Variants in VPS54 observed in about 807,000 individuals in gnomAD.
VPS54 encodes the protein vacuolar protein sorting-associated protein 54.
VPS54 carries 45 observed loss-of-function variants against 121.5 expected under a neutral mutation model. The observed-to-expected ratio is 0.37, with a 90% CI of 0.29 to 0.47. The LOEUF (loss-of-function observed/expected upper bound fraction) is 0.47. Among genes scored for constraint, VPS54 ranks in the 20% least tolerant of loss-of-function variants. The pLI, the probability that VPS54 is intolerant of heterozygous loss-of-function variation, is 0.99. For synonymous variants in VPS54, 371 were observed against 385.8 expected, an observed-to-expected ratio of 0.96 and a Z score of 0.45; for missense variants, 1,090 against 1,131.4, an observed-to-expected ratio of 0.96 and a Z score of 0.52.
At position 63,920,541 on chromosome 2, in the gene VPS54, G is replaced by A; in HGVS notation, c.1956C>T (p.Ile652=). The A allele has an allele frequency of 1.3e-6, 2 of 1,587,526 alleles. No homozygotes were observed. The highest frequency in any genetic ancestry group is 1.1e-5 in the South Asian group (1 of 88,012). Residue 652 remains isoleucine (I), a synonymous_variant, in exon 14 of 23, where the codon ATC becomes ATT. Transcript: ENST00000272322. ...METFILDTEQ[I]CGRKSTSLLG... Reference sequence around the variant, plus strand: ...GTAATGACGTGCTTTTTCTTCCACAGATCTGTTCGGTGTCTAAAATGAATG... The same window carrying A: ...GTAATGACGTGCTTTTTCTTCCACAAATCTGTTCGGTGTCTAAAATGAATG...
rs368007911 is a variant in VPS54, at chr2:63,944,615, G to A, written c.1286C>T (p.Thr429Ile). ...NKVSQTEEID[T>I]DVVVKLADQM... ...TTATACTTACTTCACAACAACATCT[G>A]TGTCTATTTCTTCTGTTTGTGAAAC... Residue 429 changes from threonine (T) to isoleucine (I), a missense_variant, in exon 10 of 23, where the codon ACA becomes ATA. This residue lies in a region of VPS54 where 801 missense variants were observed against 757.0 expected (regional missense o/e 1.06). Transcript: ENST00000272322. The A allele has an allele frequency of 3.7e-6, 6 of 1,610,064 alleles. No individual in the cohort carries two copies. The highest frequency in any genetic ancestry group is 1.7e-5 in the Admixed American group (1 of 59,518).
At chr2:63,963,445 T>C (rs994624442) in intron 6 of VPS54, among the ~76,000 whole-genome samples, 1 of 152,126 alleles carries the variant, frequency 6.6e-6, no homozygotes, top group East Asian at 1.9e-4. Context: ...TGAGATTTTT[T>C]AACCCACAGC....
intron 20 of VPS54, among the ~76,000 whole-genome samples, chr2:63,908,524 G>T (rs1384914655): frequency 6.6e-6 from 1 of 152,004 alleles, no homozygotes; most frequent in African/African-American, 2.4e-5. Context: ...ACTTAGAAAA[G>T]GTGAATTTTA....
intron 6 of VPS54, among the ~76,000 whole-genome samples, chr2:63,963,763 T>C (rs1213374078): frequency 6.6e-6 from 1 of 152,138 alleles, no homozygotes; most frequent in African/African-American, 2.4e-5. Context: ...GGCACAAATA[T>C]ACTAGGGTAA....
intron 1 of VPS54, among the ~76,000 whole-genome samples, chr2:64,007,385 A>G (rs1199685057): frequency 6.6e-6 from 1 of 152,180 alleles, no homozygotes; most frequent in African/African-American, 2.4e-5. Flanking sequence ...AGTAGAGTAG[A>G]CGAGATAAAA....
intron 1 of VPS54, among the ~76,000 whole-genome samples, chr2:63,994,180 C>CTG (rs1211161395): frequency 1.3e-5 from 2 of 152,174 alleles, no homozygotes; most frequent in African/African-American, 4.8e-5. Flanking sequence ...CCCACTTCTC[C>CTG]TAATTACCTT....
intron 9 of VPS54, among the ~76,000 whole-genome samples, chr2:63,946,113 T>C (rs1674965607): frequency 6.6e-6 from 1 of 152,138 alleles, no homozygotes; most frequent in Non-Finnish European, 1.5e-5. Flanking sequence ...TTGCCTGCAT[T>C]TGAGTTTTAC....
At chr2:63,923,883 T>C (rs1488625726) in intron 12 of VPS54, among the ~76,000 whole-genome samples, 1 of 152,232 alleles carries the variant, frequency 6.6e-6, no homozygotes, top group Non-Finnish European at 1.5e-5. Flanking sequence ...TTCAATTATA[T>C]ACCACAAAAA....
At chr2:63,952,915 GAT>G (rs1441440910) in intron 7 of VPS54, among the ~76,000 whole-genome samples, 2 of 152,076 alleles carry the variant, frequency 1.3e-5, no homozygotes, top group South Asian at 4.1e-4. Flanking sequence ...CCCTACTGTT[GAT>G]AACTGTAACA....
intron 7 of VPS54, among the ~76,000 whole-genome samples, chr2:63,954,639 G>A (rs1379085608): frequency 6.6e-6 from 1 of 152,008 alleles, no homozygotes; most frequent in African/African-American, 2.4e-5. Context: ...TTATTAAATG[G>A]CTGCTAATCA....
At chr2:63,934,979 A>C (rs1248391638) in intron 11 of VPS54, among the ~76,000 whole-genome samples, 2 of 152,154 alleles carry the variant, frequency 1.3e-5, no homozygotes, top group Non-Finnish European at 2.9e-5. Flanking sequence ...TTTTTTTGGA[A>C]TCTACATGGT....
chr2:63,933,537 T>C, intron 12 of VPS54, 136 bp downstream of exon 12: 1 of 749,640 alleles, frequency 1.3e-6, no homozygotes, highest in Non-Finnish European at 2.1e-6. Context: ...TAGAGATACG[T>C]TTCATAAAAT....
chr2:63,993,188 G>A (rs1677411806), intron 1 of VPS54, among the ~76,000 whole-genome samples: 2 of 152,126 alleles, frequency 1.3e-5, no homozygotes, highest in South Asian at 4.1e-4. Flanking sequence ...ACCTCAAAAA[G>A]TTCAAATTAG....
chr2:63,951,360 G>A (rs1018300383), intron 7 of VPS54, among the ~76,000 whole-genome samples: 1 of 151,900 alleles, frequency 6.6e-6, no homozygotes, highest in South Asian at 2.1e-4. Context: ...CTTAGTATGG[G>A]TCCCATGGTG....
At chr2:63,932,016 G>T (rs184654384) in intron 12 of VPS54, among the ~76,000 whole-genome samples, 4 of 152,350 alleles carry the variant, frequency 2.6e-5, no homozygotes, top group Admixed American at 2.6e-4. Flanking sequence ...ACAGATGCTG[G>T]AGAGGATGTG....
intron 1 of VPS54, among the ~76,000 whole-genome samples, chr2:64,002,067 G>A (rs1677908361): frequency 6.6e-6 from 1 of 152,156 alleles, no homozygotes; most frequent in Non-Finnish European, 1.5e-5. Flanking sequence ...TGGTCTGAAT[G>A]CTCCCTCCAT....
At chr2:63,965,988 C>G in intron 5 of VPS54, 22 bp from the exon 6 acceptor site, 1 of 1,597,816 alleles carries the variant, frequency 6.3e-7, no homozygotes, top group Non-Finnish European at 8.5e-7. Flanking sequence ...ATGCATTTCC[C>G]TCAATTAGAT....
In VPS54 at chr2:64,006,609, G is replaced by C. The variant is rs1455904346; in HGVS notation, c.-21+12329C>G. On this transcript the variant is annotated intron_variant, in intron 1 of 22. Transcript: ENST00000272322. ...CATAGTAGACATTCAATAAATAATT[G>C]CAACAACTATTATTATAAACTTTTT... Among the ~76,000 whole-genome samples, 3 of 151,794 alleles carry C rather than the reference G, an allele frequency of 2.0e-5. No homozygotes were observed. In the East Asian group the frequency reaches 5.8e-4, roughly 29 times the overall value.
chr2:64,005,105 T>A (rs1470440702), intron 1 of VPS54, among the ~76,000 whole-genome samples: 1,620 of 108,912 alleles, frequency 0.015, 50 homozygotes, highest in Non-Finnish European at 0.018. Flanking sequence ...TTTTTTTTTT[T>A]TTTTTTTTTT....
Sources: allele counts gnomAD v4.1 joint callset (sites outside exome capture counted in the v4.1 genomes callset), GRCh38; gene constraint gnomAD v4.1.1; regional missense constraint gnomAD v4.1.1; transcripts MANE v1.5; gene names NCBI Gene and HGNC (gene_info 2026-07-23, HGNC 2026-07-21).